CISD1: variants seen among roughly 807,000 people sequenced by gnomAD.
The protein encoded by CISD1 is CDGSH iron-sulfur domain-containing protein 1.
A neutral mutation model predicts 12.0 loss-of-function variants in CISD1; 8 were observed. That is an observed-to-expected ratio of 0.67 (90% CI 0.39 to 1.20). CISD1 has a LOEUF of 1.20. Among genes scored for constraint, CISD1 ranks in the 50% most tolerant of loss-of-function variants. The pLI is 0.01. For missense variants in CISD1, 107 were observed against 132.7 expected (o/e 0.81, Z 0.95); for synonymous variants, 38 against 42.2 (o/e 0.90, Z 0.39).
chr10:58,273,335 C>T (rs772788837), intron 1 of CISD1: 2 of 152,042 alleles, frequency 1.3e-5, no homozygotes, highest in East Asian at 1.9e-4. Context: ...TTACCAGGCA[C>T]GGCCTGCCAG....
chr10:58,272,686 A>C (rs1354748790), intron 1 of CISD1, among the ~76,000 whole-genome samples: 1 of 152,230 alleles, frequency 6.6e-6, no homozygotes, highest in Non-Finnish European at 1.5e-5. Context: ...TGGGAGGCCA[A>C]GGCGGGCAGA....
intron 1 of CISD1, among the ~76,000 whole-genome samples, chr10:58,273,180 T>G (rs1839268817): frequency 6.6e-6 from 1 of 152,110 alleles, no homozygotes; most frequent in African/African-American, 2.4e-5. Context: ...TAAAGATAAG[T>G]CATTTAGTAT....
At position 58,269,246 on chromosome 10, in the gene CISD1, G is replaced by A; in HGVS notation, c.-28G>A. 1 of 1,606,672 alleles carries A rather than the reference G, an allele frequency of 6.2e-7. No individual in the cohort carries two copies. The highest frequency in any genetic ancestry group is 8.5e-7 in the Non-Finnish European group (1 of 1,179,540). On this transcript the variant is annotated 5_prime_UTR_variant, in exon 1 of 3. The change creates a new upstream start codon in the 5' untranslated region. Coordinates refer to ENST00000333926, the MANE Select transcript of CISD1 (RefSeq NM_018464.5). ...GAACCCGTTTGAGCTCGGTATCCTA[G>A]TGCACACGCCTTGCAAGCGACGGCG... is the stretch of plus-strand genomic sequence containing the variant.
At chr10:58,271,573 A>C (rs938081025) in intron 1 of CISD1, among the ~76,000 whole-genome samples, 1 of 152,222 alleles carries the variant, frequency 6.6e-6, no homozygotes, top group African/African-American at 2.4e-5. Flanking sequence ...TTGAAAATCA[A>C]TTTAGATCTT....
intron 1 of CISD1, among the ~76,000 whole-genome samples, chr10:58,274,440 CTTT>C (rs34405014): frequency 5.9e-4 from 47 of 79,146 alleles, no homozygotes; most frequent in African/African-American, 2.6e-3. Flanking sequence ...AAAATAACAA[CTTT>C]TTTTTTTTTT....
intron 2 of CISD1, chr10:58,283,143 T>A (rs150329348): frequency 6.6e-6 from 1 of 150,498 alleles, no homozygotes. Context: ...ATCCTGGGTG[T>A]TTTTTTTTGG....
chr10:58,287,627 A>T lies in CISD1; in HGVS notation c.304A>T (p.Ile102Phe). ...GACTGGAGACAATGTGGGCCCTCTG[A>T]TCATCAAGAAAAAAGAAACTTAAAT... Reference protein sequence around the residue: ...EETGDNVGPLIIKKKET With the variant: ...EETGDNVGPLFIKKKET Residue 102 changes from isoleucine to phenylalanine, a missense_variant, in exon 3 of 3, where the codon ATC (isoleucine) becomes TTC (phenylalanine). By Grantham distance (21) the Ile-to-Phe change is conservative. Coordinates refer to ENST00000333926, the MANE Select transcript of CISD1 (RefSeq NM_018464.5). The T allele has an allele frequency of 6.2e-7, 1 of 1,609,740 alleles. No individual in the cohort carries two copies. Among genetic ancestry groups the T allele is most frequent in the African/African-American group, 1.3e-5 (1 of 74,912 alleles).
At chr10:58,272,550 T>G (rs1839261277) in intron 1 of CISD1, among the ~76,000 whole-genome samples, 1 of 152,122 alleles carries the variant, frequency 6.6e-6, no homozygotes, top group African/African-American at 2.4e-5. Context: ...TATTTAAGGG[T>G]TTTTGTCTGA....
intron 2 of CISD1, among the ~76,000 whole-genome samples, chr10:58,285,710 A>G (rs1374854371): frequency 6.6e-6 from 1 of 152,222 alleles, no homozygotes; most frequent in African/African-American, 2.4e-5. Context: ...TCATTTTACA[A>G]TAGAGGATAT....
chr10:58,279,360 TTTC>T (rs1396644744), intron 2 of CISD1, among the ~76,000 whole-genome samples: 1 of 152,160 alleles, frequency 6.6e-6, no homozygotes. Flanking sequence ...GATTTCAGAT[TTTC>T]TTTTCATTTT....
chr10:58,287,681 G>C lies in CISD1; in HGVS notation c.*31G>C, dbSNP rs199880439. 3 of 1,431,718 alleles carry C rather than the reference G, an allele frequency of 2.1e-6. No homozygotes were observed. The highest frequency in any genetic ancestry group is 2.9e-6 in the Non-Finnish European group (3 of 1,030,052). The allele number at this position is 1,431,718 out of a possible 1,614,324, so 88.7% of individuals were successfully genotyped here. ...CACTTTTGATGCTGCAAATCAGCTT[G>C]TCGTGAAGTTACCTGATTGTTTAAT... is the stretch of plus-strand genomic sequence containing the variant. On this transcript the variant is annotated 3_prime_UTR_variant, in exon 3 of 3. Transcript: ENST00000333926.
At chr10:58,269,620 C>T (rs1267207297) in intron 1 of CISD1, among the ~76,000 whole-genome samples, 1 of 152,190 alleles carries the variant, frequency 6.6e-6, no homozygotes, top group Non-Finnish European at 1.5e-5. Context: ...GTCCTTAAGT[C>T]ACATAGCCTG....
At chr10:58,282,035 C>T (rs1349352772) in intron 2 of CISD1, among the ~76,000 whole-genome samples, 1 of 151,648 alleles carries the variant, frequency 6.6e-6, no homozygotes, top group Non-Finnish European at 1.5e-5. Context: ...GATCTCAGCT[C>T]ACTACAACCT....
chr10:58,277,079 T>A, intron 1 of CISD1, 38 bp from the exon 2 acceptor site: 1 of 1,425,380 alleles, frequency 7.0e-7, no homozygotes, highest in Non-Finnish European at 9.6e-7. Context: ...GTGTATATTT[T>A]GGTTTTGATA....
chr10:58,287,523 G>A (rs750082297), intron 2 of CISD1, 38 bp from the exon 3 acceptor site: 1 of 1,447,462 alleles, frequency 6.9e-7, no homozygotes. Flanking sequence ...TACTGATTTT[G>A]AGATTAGATG....
Position 58,287,638 on chromosome 10 carries a change from A to C in CISD1, c.315A>C (p.Lys105Asn), listed in dbSNP as rs1161081110. The stretch of plus-strand genomic sequence containing the variant: ...ATGTGGGCCCTCTGATCATCAAGAA[A>C]AAAGAAACTTAAATGGACACTTTTG... ...GDNVGPLIIK[K>N]KET The change falls in exon 3 of 3, where the codon AAA becomes AAC. Residue 105 changes from lysine (K) to asparagine (N), a missense_variant. Lys to Asn is a moderately conservative substitution (Grantham distance 94). Coordinates refer to ENST00000333926, the MANE Select transcript of CISD1 (RefSeq NM_018464.5). 1 of 1,607,720 alleles carries C rather than the reference A, an allele frequency of 6.2e-7. No individual in the cohort carries two copies. Among genetic ancestry groups the C allele is most frequent in the Non-Finnish European group, 8.5e-7 (1 of 1,175,968 alleles).
chr10:58,276,560 T>G (rs897774027), intron 1 of CISD1, among the ~76,000 whole-genome samples: 2 of 151,892 alleles, frequency 1.3e-5, no homozygotes, highest in South Asian at 2.1e-4. Flanking sequence ...AGGGTGGTTT[T>G]GTTTTGTTTA....
intron 2 of CISD1, chr10:58,283,208 G>A (rs1839392042): frequency 6.6e-6 from 1 of 152,074 alleles, no homozygotes; most frequent in African/African-American, 2.4e-5. Flanking sequence ...TGGCTTAGAA[G>A]TGCATTTTAC....
chr10:58,287,709 G>C lies in CISD1; in HGVS notation c.*59G>C, dbSNP rs900878276. 1 of 1,096,942 alleles carries C rather than the reference G, an allele frequency of 9.1e-7. No individual in the cohort carries two copies. The highest frequency in any genetic ancestry group is 1.4e-6 in the Non-Finnish European group (1 of 739,840). The allele number at this position is 1,096,942 out of a possible 1,614,324, so 68.0% of individuals were successfully genotyped here. A position where few individuals can be genotyped will look rare whatever the true frequency, so the allele number is the denominator to read the frequency against. The stretch of plus-strand genomic sequence containing the variant: ...GTGAAGTTACCTGATTGTTTAATTA[G>C]AATGACTACCACCTCTGTCTGATTC... On this transcript the variant is annotated 3_prime_UTR_variant, in exon 3 of 3. Coordinates refer to ENST00000333926, the MANE Select transcript of CISD1 (RefSeq NM_018464.5).
Sources: allele counts gnomAD v4.1 joint callset (sites outside exome capture counted in the v4.1 genomes callset), GRCh38; gene constraint gnomAD v4.1.1; transcripts MANE v1.5; gene names NCBI Gene and HGNC (gene_info 2026-07-23, HGNC 2026-07-21).